SLBP: variants seen among roughly 807,000 people sequenced by gnomAD.
SLBP encodes the protein stem-loop histone mRNA binding protein, also known as histone RNA hairpin-binding protein.
SLBP carries 29 observed loss-of-function variants against 39.2 expected under a neutral mutation model. That is an observed-to-expected ratio of 0.74 (90% confidence interval 0.55 to 1.01). The LOEUF is 1.01. SLBP is among the 50% of genes least tolerant of loss of function. SLBP has a pLI of 0.00. For missense variants in SLBP, 390 were observed against 350.2 expected (o/e 1.11, Z -0.91); for synonymous variants, 129 against 118.7 (o/e 1.09, Z -0.57).
chr4:1,708,079 A>C (rs1412249268), intron 2 of SLBP, among the ~76,000 whole-genome samples: 2 of 138,222 alleles, frequency 1.4e-5, no homozygotes, highest in African/African-American at 2.8e-5. Context: ...ACTCTATCTC[A>C]AAAACGAAAA....
At position 1,693,534 on chromosome 4, in the gene SLBP, G is replaced by T; in HGVS notation, c.*63C>A. Reference sequence around the variant, plus strand: ...GTACAAGTGCACACACATGCTTGGTGCCTGGCCAGCCTTCCACCTAGTCGG... The same window carrying T: ...GTACAAGTGCACACACATGCTTGGTTCCTGGCCAGCCTTCCACCTAGTCGG... On this transcript the variant is annotated 3_prime_UTR_variant, in exon 8 of 8. Transcript: ENST00000489418. 1.1e-6 allele frequency: 1 copy of T among 932,312 alleles called. No individual in the cohort carries two copies. Among genetic ancestry groups the T allele is most frequent in the Non-Finnish European group, 1.8e-6 (1 of 561,354 alleles). 57.8% of individuals were successfully genotyped at this position (932,312 alleles called of 1,614,324 possible).
intron 3 of SLBP, among the ~76,000 whole-genome samples, chr4:1,700,393 C>T (rs1329615609): frequency 6.6e-6 from 1 of 152,164 alleles, no homozygotes; most frequent in Admixed American, 6.6e-5. Context: ...GGAGACCAAA[C>T]GTGCCCCCTT....
intron 2 of SLBP, among the ~76,000 whole-genome samples, chr4:1,705,416 C>T (rs925600004): frequency 2.0e-5 from 3 of 152,192 alleles, no homozygotes; most frequent in Non-Finnish European, 4.4e-5. Flanking sequence ...AAAAACTTAT[C>T]CAGCCCACCC....
rs137944370 is a variant in SLBP at position 1,705,830 on chromosome 4, T to C, written c.177-2130A>G. Among the ~76,000 whole-genome samples, 51 of 152,196 alleles carry C rather than the reference T, an allele frequency of 3.4e-4. No individual in the cohort carries two copies. In the East Asian group the frequency reaches 9.5e-3, roughly 28 times the overall value. ...AAAGGTTGGAACGTCATCTCCAAAATAAATAAATACCCAAGCATGGTGGGG... is the reference window on the plus strand; with the variant it reads ...AAAGGTTGGAACGTCATCTCCAAAACAAATAAATACCCAAGCATGGTGGGG... On this transcript the variant is annotated intron_variant, in intron 2 of 7. Coordinates refer to ENST00000489418, the MANE Select transcript of SLBP (RefSeq NM_006527.4).
At chr4:1,712,077 C>T (rs943882455) in intron 1 of SLBP, 53 bp downstream of exon 1, 2 of 1,230,412 alleles carry the variant, frequency 1.6e-6, no homozygotes, top group Non-Finnish European at 2.0e-6. Flanking sequence ...CCCCGCACAA[C>T]CCCCGCCCCA....
rs891613819 is a variant in SLBP, at chr4:1,693,587, C to A, written c.*10G>T. ...AGGAGCTGTTTCTCTTCCTGGCCGCCAGGGGGCAGTTAGCTCATGGCTGAG... is the reference window on the plus strand; with the variant it reads ...AGGAGCTGTTTCTCTTCCTGGCCGCAAGGGGGCAGTTAGCTCATGGCTGAG... On this transcript the variant is annotated 3_prime_UTR_variant, in exon 8 of 8. Coordinates refer to ENST00000489418, the MANE Select transcript of SLBP (RefSeq NM_006527.4). The A allele has an allele frequency of 2.6e-6, 4 of 1,568,230 alleles. No individual in the cohort carries two copies. In the African/African-American group the frequency reaches 4.1e-5, roughly 16 times the overall value.
chr4:1,710,163 G>A (rs1421513248), intron 2 of SLBP, among the ~76,000 whole-genome samples: 2 of 152,252 alleles, frequency 1.3e-5, no homozygotes, highest in Admixed American at 6.5e-5. Flanking sequence ...ACAGGCAGGA[G>A]CCACTGCGCC....
Position 1,712,279 on chromosome 4 carries a change from A to T in SLBP, c.-91T>A, listed in dbSNP as rs750212720. Reference sequence around the variant, plus strand: ...GCAGAGTAGAGCAGGGCAGGGCCTGAGGCAGAAACCCGCGTCCCCGCGCCG... The same window carrying T: ...GCAGAGTAGAGCAGGGCAGGGCCTGTGGCAGAAACCCGCGTCCCCGCGCCG... On this transcript the variant is annotated 5_prime_UTR_variant, in exon 1 of 8. Transcript: ENST00000489418. 7 of 807,838 alleles carry T rather than the reference A, an allele frequency of 8.7e-6. 1 individual carries two copies. In the Admixed American group the frequency reaches 2.4e-4, roughly 28 times the overall value. The allele number at this position is 807,838 out of a possible 1,614,324, so 50.0% of individuals were successfully genotyped here.
At chr4:1,694,416 G>C (rs1716030796) in intron 7 of SLBP, among the ~76,000 whole-genome samples, 2 of 144,208 alleles carry the variant, frequency 1.4e-5, no homozygotes, top group African/African-American at 5.2e-5. Flanking sequence ...TTTTGAGACA[G>C]AGTCTTGCTC....
chr4:1,712,031 G>A, intron 1 of SLBP, 41 bp from the exon 2 acceptor site: 1 of 1,256,452 alleles, frequency 8.0e-7, no homozygotes, highest in Non-Finnish European at 1.0e-6. Flanking sequence ...GGGAGGTTCG[G>A]GACCGCCTTA....
Position 1,700,038 on chromosome 4 carries a change from C to T in SLBP, c.314G>A (p.Gly105Glu), listed in dbSNP as rs1716265636. 3.7e-6 allele frequency: 6 copies of T among 1,601,200 alleles called. No individual in the cohort carries two copies. Among genetic ancestry groups the T allele is most frequent in the Non-Finnish European group, 4.3e-6 (5 of 1,171,414 alleles). ...TCCTGATGATGATTTTCTCTCTCTT[C>T]CAAAGTCATTGATGAGGAGTTTCCT... ...YKRKLLINDF[G>E]RERKSSSGSS... The change falls in exon 4 of 8, where the codon GGA becomes GAA. Residue 105 changes from glycine to glutamate, a missense_variant. Gly to Glu is a moderately conservative substitution (Grantham distance 98). Transcript: ENST00000489418.
intron 2 of SLBP, among the ~76,000 whole-genome samples, chr4:1,709,213 G>A (rs747299619): frequency 6.6e-5 from 10 of 152,058 alleles, no homozygotes; most frequent in Non-Finnish European, 1.3e-4. Flanking sequence ...ACAGGCATGC[G>A]CCACCATGCC....
chr4:1,694,108 A>T (rs1716017533), intron 7 of SLBP, among the ~76,000 whole-genome samples: 1 of 152,046 alleles, frequency 6.6e-6, no homozygotes, highest in South Asian at 2.1e-4. Flanking sequence ...CTTGAGACAG[A>T]GTCTCACTCT....
chr4:1,708,788 C>G (rs1028422881), intron 2 of SLBP, among the ~76,000 whole-genome samples: 8 of 152,228 alleles, frequency 5.3e-5, no homozygotes, highest in Non-Finnish European at 1.0e-4. Flanking sequence ...TATCCATCAA[C>G]GAGCTGGCTC....
chr4:1,712,149 G>T lies in SLBP; in HGVS notation c.40C>A (p.Arg14Ser), dbSNP rs1716805282. ...RPRSPPRHQSRCDGDASPPSP... is the reference protein window; with the variant it reads ...RPRSPPRHQSSCDGDASPPSP... ...CCTCACCTGGCGTCACCGTCGCAGCGGCTCTGATGCCTCGGCGGGCTTCGC... is the reference window on the plus strand; with the variant it reads ...CCTCACCTGGCGTCACCGTCGCAGCTGCTCTGATGCCTCGGCGGGCTTCGC... Residue 14 changes from arginine to serine, a missense_variant, in exon 1 of 8, where the codon CGC becomes AGC. Coordinates refer to ENST00000489418, the MANE Select transcript of SLBP (RefSeq NM_006527.4). The T allele has an allele frequency of 8.1e-7, 1 of 1,231,294 alleles. No individual in the cohort carries two copies. The highest frequency in any genetic ancestry group is 1.0e-6 in the Non-Finnish European group (1 of 988,740). 76.3% of individuals were successfully genotyped at this position (1,231,294 alleles called of 1,614,324 possible). A position where few individuals can be genotyped will look rare whatever the true frequency, so the allele number is the denominator to read the frequency against.
intron 5 of SLBP, among the ~76,000 whole-genome samples, chr4:1,697,866 C>A (rs1357102096): frequency 6.6e-6 from 1 of 152,114 alleles, no homozygotes; most frequent in Admixed American, 6.5e-5. Flanking sequence ...CCGCTGGGCA[C>A]AGTGGCTCAC....
rs560815614 is a variant in SLBP, at chr4:1,705,369, G to A, written c.177-1669C>T. 2.2e-4 allele frequency among the ~76,000 whole-genome samples: 33 copies of A among 152,292 alleles called. No individual in the cohort carries two copies. In the South Asian group the frequency reaches 2.5e-3, roughly 11 times the overall value. The stretch of plus-strand genomic sequence containing the variant: ...GAAGAAATGGTATTCTATTGGCAAG[G>A]CTTATTAACAAACTTCTGATAATGA... On this transcript the variant is annotated intron_variant, in intron 2 of 7. Transcript: ENST00000489418.
chr4:1,708,014 G>A (rs1314292069), intron 2 of SLBP, among the ~76,000 whole-genome samples: 1 of 151,716 alleles, frequency 6.6e-6, no homozygotes, highest in Non-Finnish European at 1.5e-5. Flanking sequence ...GGGAGGCAGA[G>A]GTTGCAGTGA....
intron 2 of SLBP, among the ~76,000 whole-genome samples, chr4:1,705,209 G>A (rs1309291035): frequency 6.6e-6 from 1 of 152,132 alleles, no homozygotes; most frequent in Non-Finnish European, 1.5e-5. Flanking sequence ...TTATAGCTGT[G>A]AGCCACCGTA....
Sources: gnomAD v4.1 joint callset for allele counts (sites outside exome capture counted in the v4.1 genomes callset) on GRCh38, gnomAD v4.1.1 for gene constraint, MANE v1.5 for transcripts, NCBI Gene and HGNC (gene_info 2026-07-23, HGNC 2026-07-21) for gene names.